The following DROSHA variants were observed in gnomAD, a reference collection of about 807,000 sequenced individuals.
DROSHA encodes the protein drosha ribonuclease III, also known as ribonuclease 3.
DROSHA carries 56 observed loss-of-function variants against 181.9 expected under a neutral mutation model. The observed-to-expected ratio is 0.31, with a 90% CI of 0.25 to 0.38. The LOEUF is 0.38. Among genes scored for constraint, DROSHA ranks in the 10% least tolerant of loss-of-function variants. The probability of loss-of-function intolerance (pLI) is 1.00; values close to 1 mark genes in which losing one functional copy is unlikely to be tolerated. For missense variants in DROSHA, 1,218 were observed against 1,743.5 expected (o/e 0.70, Z 5.37); for synonymous variants, 524 against 591.2 (o/e 0.89, Z 1.65).
chr5:31,480,465 G>A (rs1750910142), intron 16 of DROSHA, among the ~76,000 whole-genome samples: 1 of 152,042 alleles, frequency 6.6e-6, no homozygotes, highest in African/African-American at 2.4e-5. Context: ...CGACTGGAAA[G>A]GGGTCCGAAG....
rs574554183 is a variant in DROSHA, at chr5:31,439,494, G to T, written c.2883-2196C>A. ...TATTTACTTTTTACTTTTATTTTAG[G>T]TTCAGGGGTACCTGTGCAGGTTTGT... On this transcript the variant is annotated intron_variant, in intron 23 of 35. Transcript: ENST00000344624. 3.9e-4 allele frequency among the ~76,000 whole-genome samples: 59 copies of T among 152,186 alleles called. 1 individual carries two copies. The South Asian group carries it at 0.012, about 31-fold the overall frequency.
At chr5:31,493,609 T>C (rs1459020604) in intron 12 of DROSHA, among the ~76,000 whole-genome samples, 3 of 152,242 alleles carry the variant, frequency 2.0e-5, no homozygotes, top group South Asian at 4.1e-4. Flanking sequence ...TAATGAACTA[T>C]GTTTCTGAAC....
chr5:31,408,142 GA>G (rs1740872570), intron 33 of DROSHA, among the ~76,000 whole-genome samples: 1 of 152,118 alleles, frequency 6.6e-6, no homozygotes, highest in South Asian at 2.1e-4. Context: ...CGAAAGGATT[GA>G]AAATTCCCAA....
At chr5:31,479,553 T>C (rs1227632482) in intron 16 of DROSHA, among the ~76,000 whole-genome samples, 1 of 152,138 alleles carries the variant, frequency 6.6e-6, no homozygotes, top group Non-Finnish European at 1.5e-5. Flanking sequence ...GAAAATTTCA[T>C]AAATATGATA....
chr5:31,513,441 C>T (rs1738920889), intron 8 of DROSHA, among the ~76,000 whole-genome samples: 1 of 152,198 alleles, frequency 6.6e-6, no homozygotes. Flanking sequence ...GAACCACCTT[C>T]TTGCCAGGGG....
At chr5:31,410,570 GT>G (rs1344380987) in intron 31 of DROSHA, among the ~76,000 whole-genome samples, 175 bp downstream of exon 31, 1 of 152,166 alleles carries the variant, frequency 6.6e-6, no homozygotes, top group African/African-American at 2.4e-5. Context: ...TTATTCACAT[GT>G]CTTAGTTTCA....
chr5:31,416,599 C>T (rs555320269), intron 30 of DROSHA, among the ~76,000 whole-genome samples: 167 of 152,232 alleles, frequency 1.1e-3, no homozygotes, highest in Non-Finnish European at 2.0e-3. Context: ...CCAGAAAGGA[C>T]ATCTAAAGGA....
rs67380927 is a variant in DROSHA at position 31,405,767 on chromosome 5, CTTTTTTTTTTTTTT to C, written c.3948-58_3948-45del. ...TAAGACATACTTTAATTTCAAGATT[CTTTTTTTTTTTTTT>C]TTTTTTTTTTCAAAAAATGCAAGGT... On this transcript the variant is annotated intron_variant, in intron 34 of 35. Transcript: ENST00000344624. 7.7e-5 allele frequency: 36 copies of C among 469,342 alleles called. No homozygotes were observed. In the African/African-American group the frequency reaches 1.1e-3, roughly 14 times the overall value. 29.1% of individuals were successfully genotyped at this position (469,342 alleles called of 1,614,324 possible). A position where few individuals can be genotyped will look rare whatever the true frequency, so the allele number is the denominator to read the frequency against.
At chr5:31,408,471 C>T (rs555673877) in intron 33 of DROSHA, among the ~76,000 whole-genome samples, 12 of 152,214 alleles carry the variant, frequency 7.9e-5, no homozygotes, top group African/African-American at 2.2e-4. Context: ...TTCATCAAAA[C>T]GGGTATTAAG....
chr5:31,490,068 G>A (rs534834696), intron 13 of DROSHA, among the ~76,000 whole-genome samples: 2 of 151,886 alleles, frequency 1.3e-5, no homozygotes, highest in East Asian at 3.9e-4. Context: ...TAGAGACAGG[G>A]TTTCACTATA....
Position 31,470,788 on chromosome 5 carries a change from T to TC in DROSHA, c.2241+1274dup, listed in dbSNP as rs887795018. ...GGAAGGAAGTCCAGGGTGAACGTGC[T>TC]CCCCCCGTGTCTACCACAGAACATG... On this transcript the variant is annotated intron_variant, in intron 17 of 35. Transcript: ENST00000344624. This position sits in a 1 kb window ranked among gnomAD's most constrained non-coding sequence, Gnocchi z 4.0. Among the ~76,000 whole-genome samples the TC allele has an allele frequency of 9.9e-5, 15 of 151,626 alleles. No homozygotes were observed. Among genetic ancestry groups the TC allele is most frequent in the African/African-American group, 7.3e-5 (3 of 41,232 alleles).
chr5:31,413,804 T>C (rs555157695), intron 30 of DROSHA, among the ~76,000 whole-genome samples: 1 of 152,290 alleles, frequency 6.6e-6, no homozygotes, highest in South Asian at 2.1e-4. Flanking sequence ...GTAAAAGCAT[T>C]TCAGGGCCTC....
intron 5 of DROSHA, among the ~76,000 whole-genome samples, chr5:31,524,038 A>G (rs1362699520): frequency 6.6e-6 from 1 of 151,838 alleles, no homozygotes; most frequent in African/African-American, 2.4e-5. Flanking sequence ...TTTGCCAACT[A>G]GTCCATCACA....
chr5:31,526,128 A>G lies in DROSHA; in HGVS notation c.805T>C (p.Tyr269His). Residue 269 changes from tyrosine to histidine, a missense_variant, in exon 5 of 36, where the codon TAT becomes CAT. By Grantham distance (83) the Tyr-to-His change is moderately conservative. Coordinates refer to ENST00000344624, the MANE Select transcript of DROSHA (RefSeq NM_001382508.1). Reference protein sequence around the residue: ...RRQDSRYRSDYDRGRTPSRHR... With the variant: ...RRQDSRYRSDHDRGRTPSRHR... ...CGAGATGGTGTTCTCCCTCGGTCAT[A>G]ATCAGATCTGTACCGGCTGTCTTGT... The G allele has an allele frequency of 6.2e-7, 1 of 1,612,000 alleles. No homozygotes were observed. Among genetic ancestry groups the G allele is most frequent in the African/African-American group, 1.3e-5 (1 of 74,976 alleles).
intron 16 of DROSHA, among the ~76,000 whole-genome samples, chr5:31,482,821 T>G (rs1461815136): frequency 2.0e-5 from 3 of 152,090 alleles, no homozygotes; most frequent in African/African-American, 7.2e-5. Flanking sequence ...ATACTTTTTT[T>G]TTTTTTTTAA....
At position 31,457,901 on chromosome 5, in the gene DROSHA, TGTCA is replaced by T. The variant is rs1452737676; in HGVS notation, c.2575-6265_2575-6262del. 3.9e-5 allele frequency among the ~76,000 whole-genome samples: 6 copies of T among 152,146 alleles called. No homozygotes were observed. In the East Asian group the frequency reaches 9.7e-4, roughly 24 times the overall value. ...CAGCAAGACCCTGACTCAATCAATC[TGTCA>T]GTCAGTCAATGGAACTCTTAAAATC... On this transcript the variant is annotated intron_variant, in intron 20 of 35. Transcript: ENST00000344624.
chr5:31,490,883 G>A (rs557432500), intron 13 of DROSHA, among the ~76,000 whole-genome samples: 1 of 152,144 alleles, frequency 6.6e-6, no homozygotes, highest in East Asian at 1.9e-4. Flanking sequence ...ATAGAATAAA[G>A]TTCTCACCGA....
Position 31,526,492 on chromosome 5 carries a change from G to A in DROSHA, c.441C>T (p.Pro147=). The A allele has an allele frequency of 1.3e-6, 2 of 1,591,816 alleles. No homozygotes were observed. The highest frequency in any genetic ancestry group is 2.2e-5 in the East Asian group (1 of 44,620). Residue 147 remains proline, a synonymous_variant, in exon 5 of 36, where the codon CCC becomes CCT. Transcript: ENST00000344624. ...PGQGTFPFMM[P]PPSMPHPPPP... ...GCGGGGGATGAGGCATGGAGGGAGG[G>A]GGCATCATGAAGGGGAAAGTGCCTT...
chr5:31,408,757 C>G (rs1740954237), intron 33 of DROSHA: 1 of 258,512 alleles, frequency 3.9e-6, no homozygotes, highest in Admixed American at 4.9e-5. Flanking sequence ...CCACTGAATC[C>G]AAATTTTCTT....
Sources: allele counts gnomAD v4.1 joint callset (sites outside exome capture counted in the v4.1 genomes callset), GRCh38; gene constraint gnomAD v4.1.1; non-coding constraint Gnocchi (gnomAD v3.1); transcripts MANE v1.5; gene names NCBI Gene and HGNC (gene_info 2026-07-23, HGNC 2026-07-21).